Variants in CNTN3 observed in about 807,000 individuals in gnomAD.
The protein encoded by CNTN3 is contactin 3.
A neutral mutation model predicts 119.1 loss-of-function variants in CNTN3; 60 were observed. The ratio of observed to expected loss-of-function variants is 0.50; its 90% CI spans 0.41 to 0.62. CNTN3 has a LOEUF of 0.62. Among genes scored for constraint, CNTN3 ranks in the 20% least tolerant of loss-of-function variants. The probability of loss-of-function intolerance (pLI) is 0.00; values close to 1 mark genes in which losing one functional copy is unlikely to be tolerated. For missense variants in CNTN3, 1,101 were observed against 1,242.4 expected, an observed-to-expected ratio of 0.89 and a Z score of 1.71; for synonymous variants, 450 against 438.7, an observed-to-expected ratio of 1.03 and a Z score of -0.32.
intron 5 of CNTN3, among the ~76,000 whole-genome samples, chr3:74,390,536 A>G (rs1224582705): frequency 6.6e-6 from 1 of 152,150 alleles, no homozygotes; most frequent in Non-Finnish European, 1.5e-5. Context: ...TTTGGAAACT[A>G]CAATACACTC....
chr3:74,407,217 G>A (rs1425633563), intron 5 of CNTN3, among the ~76,000 whole-genome samples: 2 of 151,692 alleles, frequency 1.3e-5, no homozygotes, highest in Non-Finnish European at 1.5e-5. Context: ...CATTACAATG[G>A]AGAGAATATG....
At chr3:74,576,092 T>A (rs1172913734) in intron 1 of CNTN3, among the ~76,000 whole-genome samples, 1 of 152,112 alleles carries the variant, frequency 6.6e-6, no homozygotes, top group Non-Finnish European at 1.5e-5. Flanking sequence ...TGCCTCCTAA[T>A]GTGAAGACCC....
Position 74,336,419 on chromosome 3 carries a change from G to C in CNTN3, c.1492+112C>G. The C allele has an allele frequency of 2.6e-6, 3 of 1,138,120 alleles. No homozygotes were observed. In the South Asian group the frequency reaches 4.6e-5, roughly 18 times the overall value. The allele number at this position is 1,138,120 out of a possible 1,614,324, so 70.5% of individuals were successfully genotyped here. On this transcript the variant is annotated intron_variant, in intron 12 of 22. Transcript: ENST00000263665. ...TAAAAATAACATAAGTGCAAATACA[G>C]GTTCTACCTTCATAGTGTACTGAAC...
At chr3:74,537,415 C>T (rs2107143073) in intron 1 of CNTN3, among the ~76,000 whole-genome samples, 1 of 152,202 alleles carries the variant, frequency 6.6e-6, no homozygotes, top group South Asian at 2.1e-4. Flanking sequence ...GGCACCAGGC[C>T]CAGAATTTGT....
intron 4 of CNTN3, among the ~76,000 whole-genome samples, chr3:74,472,004 C>A (rs1360225363): frequency 6.6e-6 from 1 of 152,156 alleles, no homozygotes; most frequent in East Asian, 1.9e-4. Context: ...ACTTTGAAGT[C>A]TCTCTCATGT....
rs377156959 is a variant in CNTN3, at chr3:74,372,383, AT to A, written c.455-985del. Among the ~76,000 whole-genome samples, 830 of 152,164 alleles carry A rather than the reference AT, an allele frequency of 5.5e-3. 3 individuals are homozygous for A. The highest frequency in any genetic ancestry group is 9.6e-3 in the Non-Finnish European group (655 of 68,000). ...TGAATCAGTTTTCTGCAAAGGAACC[AT>A]TGTTCTTCTCTTTTATGATAATGAG... On this transcript the variant is annotated intron_variant, in intron 5 of 22. Coordinates refer to ENST00000263665, the MANE Select transcript of CNTN3 (RefSeq NM_020872.3).
intron 5 of CNTN3, among the ~76,000 whole-genome samples, chr3:74,422,675 G>A (rs4075470): frequency 0.59 from 90,347 of 151,934 alleles, 29,404 homozygotes; most frequent in East Asian, 0.8. Flanking sequence ...TCACTCAGTC[G>A]GAATTTTAAA....
chr3:74,290,115 A>T (rs1351512284), intron 19 of CNTN3, among the ~76,000 whole-genome samples: 3 of 152,164 alleles, frequency 2.0e-5, no homozygotes, highest in African/African-American at 4.8e-5. Flanking sequence ...TGTTACGATG[A>T]CAGGGATACA....
chr3:74,441,213 A>G (rs1701960652), intron 4 of CNTN3, among the ~76,000 whole-genome samples: 1 of 152,150 alleles, frequency 6.6e-6, no homozygotes, highest in Admixed American at 6.6e-5. Flanking sequence ...CCTAATATAC[A>G]GTTTTTTGAG....
chr3:74,524,021 A>C (rs1262254810), intron 1 of CNTN3, among the ~76,000 whole-genome samples: 1 of 151,890 alleles, frequency 6.6e-6, no homozygotes, highest in Admixed American at 6.6e-5. Context: ...AAGTGAGTGA[A>C]AAGCATTTCT....
chr3:74,372,435 T>C (rs1704364119), intron 5 of CNTN3, among the ~76,000 whole-genome samples: 1 of 152,072 alleles, frequency 6.6e-6, no homozygotes, highest in Non-Finnish European at 1.5e-5. Flanking sequence ...TGCCACTTTG[T>C]TCTGGAGGCC....
At chr3:74,441,458 G>A (rs1701965350) in intron 4 of CNTN3, among the ~76,000 whole-genome samples, 1 of 152,136 alleles carries the variant, frequency 6.6e-6, no homozygotes, top group Non-Finnish European at 1.5e-5. Flanking sequence ...AACAGCAAGA[G>A]AGCAATGAGT....
chr3:74,265,687 T>G (rs1432363736), intron 22 of CNTN3, among the ~76,000 whole-genome samples: 2 of 152,302 alleles, frequency 1.3e-5, no homozygotes, highest in African/African-American at 4.8e-5. Flanking sequence ...GTTACTAATG[T>G]CTGCCATTTT....
intron 1 of CNTN3, among the ~76,000 whole-genome samples, chr3:74,607,669 A>C (rs1384106892): frequency 2.0e-5 from 3 of 152,232 alleles, no homozygotes; most frequent in Admixed American, 1.3e-4. Context: ...CCATTTCCAT[A>C]CAGGCATCTG....
intron 1 of CNTN3, among the ~76,000 whole-genome samples, chr3:74,611,247 C>T (rs2106719160): frequency 6.6e-6 from 1 of 152,270 alleles, no homozygotes; most frequent in East Asian, 1.9e-4. Context: ...CAGGTTCTTG[C>T]ACAGTAAAGA....
chr3:74,371,540 T>C, intron 5 of CNTN3, 141 bp from the exon 6 acceptor site: 4 of 625,980 alleles, frequency 6.4e-6, no homozygotes, highest in Non-Finnish European at 1.1e-5. Flanking sequence ...AGAGAAGCAG[T>C]TAAGTGAAAT....
chr3:74,274,133 C>T (rs1256773957), intron 20 of CNTN3, among the ~76,000 whole-genome samples: 3 of 151,814 alleles, frequency 2.0e-5, no homozygotes, highest in Non-Finnish European at 1.5e-5. Flanking sequence ...TCACGCCCAT[C>T]CCCCCAGCAG....
At chr3:74,590,147 C>A (rs1017326747) in intron 1 of CNTN3, among the ~76,000 whole-genome samples, 1 of 150,310 alleles carries the variant, frequency 6.7e-6, no homozygotes. Context: ...AATAAATAAA[C>A]CAAAAACTCC....
At chr3:74,493,195 A>G (rs1702999930) in intron 3 of CNTN3, among the ~76,000 whole-genome samples, 1 of 152,148 alleles carries the variant, frequency 6.6e-6, no homozygotes, top group African/African-American at 2.4e-5. Flanking sequence ...AACAATAATG[A>G]ATATAAACAC....
Sources: allele counts gnomAD v4.1 joint callset (sites outside exome capture counted in the v4.1 genomes callset), GRCh38; gene constraint gnomAD v4.1.1; transcripts MANE v1.5; gene names NCBI Gene and HGNC (gene_info 2026-07-23, HGNC 2026-07-21).